Variants in RAB38 observed in about 807,000 individuals in gnomAD.
RAB38 encodes ras-related protein Rab-38.
A neutral mutation model predicts 18.4 loss-of-function variants in RAB38; 15 were observed. That is an observed-to-expected ratio of 0.82 (90% CI 0.55 to 1.26). The LOEUF (loss-of-function observed/expected upper bound fraction) is 1.26, where lower values mean the gene tolerates loss of function less well. RAB38 is among the 50% of genes most tolerant of loss of function. The pLI, the probability that RAB38 is intolerant of heterozygous loss-of-function variation, is 0.00. For missense variants in RAB38, 294 were observed against 267.4 expected (o/e 1.10, Z -0.69); for synonymous variants, 101 against 104.4 (o/e 0.97, Z 0.20).
chr11:87,883,648 T>C, the RAB38 span, among the ~76,000 whole-genome samples: 1 of 151,940 alleles, frequency 6.6e-6, no homozygotes, highest in African/African-American at 2.4e-5. Context: ...GCCTGGATTT[T>C]CTAGGTGTGC....
the RAB38 span, among the ~76,000 whole-genome samples, chr11:88,100,331 C>T: frequency 1.6e-4 from 25 of 151,798 alleles, no homozygotes; most frequent in African/African-American, 4.6e-4. Flanking sequence ...GTGGAATGGC[C>T]GTTTTAAGGG....
the RAB38 span, among the ~76,000 whole-genome samples, chr11:87,845,092 A>G: frequency 1.3e-5 from 2 of 152,232 alleles, no homozygotes; most frequent in Non-Finnish European, 2.9e-5. Context: ...GTAAAATAGA[A>G]TTTGTTGATT....
the RAB38 span, among the ~76,000 whole-genome samples, chr11:87,920,211 C>G: frequency 6.6e-6 from 1 of 151,490 alleles, no homozygotes; most frequent in Non-Finnish European, 1.5e-5. Flanking sequence ...TCTTCTTTTT[C>G]TGTTTCTCTA....
At chr11:88,154,619 A>G (rs1340985504) in intron 1 of RAB38, among the ~76,000 whole-genome samples, 1 of 152,160 alleles carries the variant, frequency 6.6e-6, no homozygotes, top group African/African-American at 2.4e-5. Context: ...CACCTGTGAC[A>G]GACATAGATC....
chr11:87,898,879 AT>A, the RAB38 span, among the ~76,000 whole-genome samples: 30 of 151,616 alleles, frequency 2.0e-4, 1 homozygote, highest in Non-Finnish European at 1.2e-4. Flanking sequence ...GGATTCCCCC[AT>A]GTAGGAAGGA....
At chr11:87,821,920 T>A in the RAB38 span, among the ~76,000 whole-genome samples, 2 of 151,886 alleles carry the variant, frequency 1.3e-5, no homozygotes, top group African/African-American at 4.8e-5. Context: ...TATAATAATA[T>A]TATATAAGCT....
chr11:88,018,975 G>T, the RAB38 span, among the ~76,000 whole-genome samples: 1 of 151,844 alleles, frequency 6.6e-6, no homozygotes, highest in Non-Finnish European at 1.5e-5. Context: ...ATTTTTGGAA[G>T]GACATTTCAT....
At chr11:88,004,493 C>CTT in the RAB38 span, among the ~76,000 whole-genome samples, 2 of 151,182 alleles carry the variant, frequency 1.3e-5, no homozygotes. Flanking sequence ...TAAAGGACAA[C>CTT]TATGAAAAAC....
chr11:87,943,045 C>T, the RAB38 span, among the ~76,000 whole-genome samples: 1 of 151,808 alleles, frequency 6.6e-6, no homozygotes, highest in East Asian at 1.9e-4. Flanking sequence ...AAAAGAAAGT[C>T]GTAAAAATGA....
chr11:87,830,198 C>T, the RAB38 span, among the ~76,000 whole-genome samples: 20 of 152,044 alleles, frequency 1.3e-4, no homozygotes, highest in Non-Finnish European at 2.1e-4. Context: ...AACTAACAAT[C>T]GGCCAGGTGA....
At chr11:87,927,830 G>A in the RAB38 span, among the ~76,000 whole-genome samples, 1 of 152,018 alleles carries the variant, frequency 6.6e-6, no homozygotes, top group Non-Finnish European at 1.5e-5. Flanking sequence ...ACTTTAGGAG[G>A]CTGAGGCAGG....
chr11:87,831,188 A>G, the RAB38 span, among the ~76,000 whole-genome samples: 1 of 152,190 alleles, frequency 6.6e-6, no homozygotes. Context: ...CCAGCACATC[A>G]GACGCCAGAG....
chr11:87,835,589 G>A, the RAB38 span, among the ~76,000 whole-genome samples: 1 of 152,086 alleles, frequency 6.6e-6, no homozygotes, highest in Non-Finnish European at 1.5e-5. Flanking sequence ...AGTTGTTAGG[G>A]TTGGTCTTAA....
rs778635998 is a variant in RAB38 at position 88,175,421 on chromosome 11, G to A, written c.-37C>T. The A allele has an allele frequency of 4.4e-6, 7 of 1,574,974 alleles. No homozygotes were observed. In the South Asian group the frequency reaches 7.7e-5, roughly 17 times the overall value. On this transcript the variant is annotated 5_prime_UTR_variant, in exon 1 of 3. Coordinates refer to ENST00000243662, the MANE Select transcript of RAB38 (RefSeq NM_022337.3). ...GCCAGACGTGCCGTGCCTGACCAGG[G>A]AAGCGCAGCCTGGGCTCTGCGCACG...
At chr11:87,954,844 G>T in the RAB38 span, among the ~76,000 whole-genome samples, 1 of 152,122 alleles carries the variant, frequency 6.6e-6, no homozygotes, top group East Asian at 1.9e-4. Flanking sequence ...CTTTCATCTG[G>T]GATGAAAAGC....
Position 88,149,060 on chromosome 11 carries a change from TAC to T in RAB38, c.483+613_483+614del, listed in dbSNP as rs563433777. Reference sequence around the variant, plus strand: ...GAAGTATATTATCCTCATCACACCATACAGGATCCTTCATCTTCCAGCCCTGC... The same window carrying T: ...GAAGTATATTATCCTCATCACACCATAGGATCCTTCATCTTCCAGCCCTGC... On this transcript the variant is annotated intron_variant, in intron 2 of 2. Transcript: ENST00000243662. 1.3e-3 allele frequency among the ~76,000 whole-genome samples: 187 copies of T among 149,572 alleles called. 1 individual carries two copies. The highest frequency in any genetic ancestry group is 4.5e-3 in the African/African-American group (180 of 40,228).
chr11:88,071,965 A>C, the RAB38 span, among the ~76,000 whole-genome samples: 3 of 152,224 alleles, frequency 2.0e-5, no homozygotes. Context: ...AGGCATGCCC[A>C]TTGTAAGTCA....
the RAB38 span, among the ~76,000 whole-genome samples, chr11:87,964,600 C>T: frequency 6.6e-6 from 1 of 151,894 alleles, no homozygotes; most frequent in African/African-American, 2.4e-5. Flanking sequence ...GAGAATTGAG[C>T]CTATTTAACA....
the RAB38 span, among the ~76,000 whole-genome samples, chr11:87,970,484 G>A: frequency 3.9e-5 from 6 of 151,998 alleles, no homozygotes; most frequent in East Asian, 3.9e-4. Flanking sequence ...TCTCTCTTAC[G>A]TTTTGTGCCC....
Sources: allele counts gnomAD v4.1 joint callset (sites outside exome capture counted in the v4.1 genomes callset), GRCh38; gene constraint gnomAD v4.1.1; transcripts MANE v1.5; gene names NCBI Gene and HGNC (gene_info 2026-07-23, HGNC 2026-07-21).